The following COX7B variants were observed in gnomAD, a reference collection of about 807,000 sequenced individuals.
COX7B encodes cytochrome c oxidase subunit 7B, mitochondrial.
Under a neutral mutation model 7.9 loss-of-function variants are expected in COX7B, and 2 were observed. That is an observed-to-expected ratio of 0.25 (90% CI 0.10 to 0.79). COX7B has a LOEUF of 0.79. Ranked by LOEUF, COX7B falls within the 30% of genes least tolerant of loss-of-function variation. The pLI, the probability that COX7B is intolerant of heterozygous loss-of-function variation, is 0.69. For missense variants in COX7B, 54 were observed against 62.7 expected, an observed-to-expected ratio of 0.86 and a Z score of 0.47; for synonymous variants, 19 against 21.1, an observed-to-expected ratio of 0.90 and a Z score of 0.27.
rs1207093814 is a variant in COX7B at position 77,906,106 on chromosome X, A to C, written c.*845A>C. The C allele has an allele frequency of 8.9e-6, 1 of 112,327 alleles. No individual in the cohort carries two copies. The highest frequency in any genetic ancestry group is 3.2e-5 in the African/African-American group (1 of 30,932). The allele number at this position is 112,327 out of a possible 1,213,427, so 9.3% of individuals were successfully genotyped here. A position where few individuals can be genotyped will look rare whatever the true frequency, so the allele number is the denominator to read the frequency against. On this transcript the variant is annotated 3_prime_UTR_variant, in exon 3 of 3. Transcript: ENST00000650309. Reference sequence around the variant, plus strand: ...AGCCCTTAAATGGCTTTTATGAGGTAATGTGAAAGGAAAATTTGCCTTTGA... The same window carrying C: ...AGCCCTTAAATGGCTTTTATGAGGTCATGTGAAAGGAAAATTTGCCTTTGA...
chrX:77,901,357 T>C (rs2077119439), intron 1 of COX7B, among the ~76,000 whole-genome samples: 1 of 108,270 alleles, frequency 9.2e-6, no homozygotes, highest in Admixed American at 1.0e-4. Context: ...GTGATTCTCC[T>C]GCCTCAGGCT....
intron 1 of COX7B, chrX:77,901,811 A>G (rs1430922328): frequency 9.0e-6 from 1 of 111,343 alleles, no homozygotes; most frequent in Non-Finnish European, 1.9e-5. Flanking sequence ...TGCATCCTCT[A>G]ACTCCTGGAC....
intron 2 of COX7B, among the ~76,000 whole-genome samples, chrX:77,903,919 T>G (rs782688029): frequency 1.2e-4 from 13 of 109,196 alleles, no homozygotes; most frequent in Middle Eastern, 4.7e-3. Context: ...GTGTTTTTTT[T>G]TTTTGTTTTG....
chrX:77,905,481 GTTTTTTT>G lies in COX7B; in HGVS notation c.*241_*247del, dbSNP rs34296412. On this transcript the variant is annotated 3_prime_UTR_variant, in exon 3 of 3. Coordinates refer to ENST00000650309, the MANE Select transcript of COX7B (RefSeq NM_001866.3). ...AAATGCTGTGCAGCTTCTTAAATAG[GTTTTTTT>G]TTTTTTTTTTTTTTTTTTTTGGGAC... The G allele has an allele frequency of 2.5e-4, 17 of 67,781 alleles. No homozygotes were observed. The highest frequency in any genetic ancestry group is 7.5e-4 in the South Asian group (2 of 2,683). The allele number at this position is 67,781 out of a possible 1,213,427, so 5.6% of individuals were successfully genotyped here.
chrX:77,902,900 A>C (rs2077124418), intron 2 of COX7B, 133 bp downstream of exon 2: 2 of 586,525 alleles, frequency 3.4e-6, no homozygotes, highest in African/African-American at 4.5e-5. Flanking sequence ...CTAATTACCC[A>C]CACAGTGCAG....
intron 1 of COX7B, chrX:77,901,654 T>C (rs1317660843): frequency 8.9e-6 from 1 of 111,813 alleles, no homozygotes; most frequent in Admixed American, 9.6e-5. Flanking sequence ...TTTATCTACA[T>C]GTGTAATCCT....
Position 77,905,453 on chromosome X carries a change from G to T in COX7B, c.*192G>T. ...CTTTAGCCTTTATGTTAATATTAAA[G>T]TCAAATGCTGTGCAGCTTCTTAAAT... On this transcript the variant is annotated 3_prime_UTR_variant, in exon 3 of 3. Coordinates refer to ENST00000650309, the MANE Select transcript of COX7B (RefSeq NM_001866.3). 1 of 181,379 alleles carries T rather than the reference G, an allele frequency of 5.5e-6. No homozygotes were observed. The highest frequency in any genetic ancestry group is 1.0e-5 in the Non-Finnish European group (1 of 98,220). The allele number at this position is 181,379 out of a possible 1,213,427, so 14.9% of individuals were successfully genotyped here.
chrX:77,902,431 G>A (rs1234644516), intron 1 of COX7B, among the ~76,000 whole-genome samples: 4 of 112,255 alleles, frequency 3.6e-5, no homozygotes, highest in African/African-American at 1.3e-4. Context: ...GTTTTATCAT[G>A]TATTTGTCCA....
rs2077135431 is a variant in COX7B at position 77,906,492 on chromosome X, C to G, written c.*1231C>G. 8.9e-6 allele frequency: 1 copy of G among 112,029 alleles called. No homozygotes were observed. The highest frequency in any genetic ancestry group is 3.2e-5 in the African/African-American group (1 of 30,827). The allele number at this position is 112,029 out of a possible 1,213,427, so 9.2% of individuals were successfully genotyped here. ...TAAAGAAAATCTTGTCAAATGCAGT[C>G]TGTTCCTAGTTATCTACTATCAGTC... On this transcript the variant is annotated 3_prime_UTR_variant, in exon 3 of 3. Transcript: ENST00000650309.
chrX:77,902,994 C>T, intron 2 of COX7B: 1 of 284,826 alleles, frequency 3.5e-6, no homozygotes, highest in Non-Finnish European at 6.1e-6. Flanking sequence ...CAAGGCAGCC[C>T]TTTCCATCTT....
intron 1 of COX7B, chrX:77,901,614 C>G (rs2149033394): frequency 8.9e-6 from 1 of 111,871 alleles, no homozygotes; most frequent in African/African-American, 3.2e-5. Flanking sequence ...AAGTCCTTAG[C>G]TAATTCTGCT....
At chrX:77,903,912 T>G (rs922876230) in intron 2 of COX7B, among the ~76,000 whole-genome samples, 24 of 100,598 alleles carry the variant, frequency 2.4e-4, no homozygotes, top group African/African-American at 5.8e-4. Flanking sequence ...GAAGTCTGTG[T>G]TTTTTTTTTT....
At chrX:77,904,603 C>T (rs1478809610) in intron 2 of COX7B, among the ~76,000 whole-genome samples, 1 of 105,526 alleles carries the variant, frequency 9.5e-6, no homozygotes, top group Non-Finnish European at 1.9e-5. Context: ...GAGATCGTGC[C>T]ACTGTACTCT....
intron 2 of COX7B, among the ~76,000 whole-genome samples, chrX:77,904,604 A>G (rs946083771): frequency 6.0e-4 from 65 of 108,136 alleles, no homozygotes; most frequent in African/African-American, 2.1e-3. Context: ...AGATCGTGCC[A>G]CTGTACTCTA....
rs954107716 is a variant in COX7B at position 77,902,883 on chromosome X, G to A, written c.165+116G>A. ...CTAGTTAGGAGGGACTTGAGAGATT[G>A]TGTAATCTAATTACCCACACAGTGC... On this transcript the variant is annotated intron_variant, in intron 2 of 2. Coordinates refer to ENST00000650309, the MANE Select transcript of COX7B (RefSeq NM_001866.3). The A allele has an allele frequency of 7.1e-6, 5 of 706,848 alleles. No individual in the cohort carries two copies. The African/African-American group carries it at 8.6e-5, about 12-fold the overall frequency. The allele number at this position is 706,848 out of a possible 1,213,427, so 58.3% of individuals were successfully genotyped here.
rs186917553 is a variant in COX7B, at chrX:77,903,087, G to A, written c.165+320G>A. ...GTCCCCCAGGCTGGAGTGCAGTGGTGCGATCTTGGCTCACTGCAACCTCTG... is the reference window on the plus strand; with the variant it reads ...GTCCCCCAGGCTGGAGTGCAGTGGTACGATCTTGGCTCACTGCAACCTCTG... On this transcript the variant is annotated intron_variant, in intron 2 of 2. Coordinates refer to ENST00000650309, the MANE Select transcript of COX7B (RefSeq NM_001866.3). The A allele has an allele frequency of 2.2e-4, 28 of 129,567 alleles. No homozygotes were observed. In the East Asian group the frequency reaches 5.4e-3, roughly 25 times the overall value. 10.7% of individuals were successfully genotyped at this position (129,567 alleles called of 1,213,427 possible).
chrX:77,902,862 T>A, intron 2 of COX7B, 95 bp downstream of exon 2: 1 of 871,316 alleles, frequency 1.1e-6, no homozygotes, highest in Non-Finnish European at 1.6e-6. Flanking sequence ...ACATATCTAG[T>A]TAGGAGGGAC....
At chrX:77,903,474 G>A (rs2077126679) in intron 2 of COX7B, among the ~76,000 whole-genome samples, 1 of 110,628 alleles carries the variant, frequency 9.0e-6, no homozygotes, top group South Asian at 3.8e-4. Context: ...GATTACAGGT[G>A]TGAGCCACTG....
In COX7B at chrX:77,905,435, CTTT is replaced by C; in HGVS notation, c.*175_*177del. 1 of 313,632 alleles carries C rather than the reference CTTT, an allele frequency of 3.2e-6. No individual in the cohort carries two copies. The highest frequency in any genetic ancestry group is 5.6e-5 in the Admixed American group (1 of 17,943). 25.8% of individuals were successfully genotyped at this position (313,632 alleles called of 1,213,427 possible). ...TGAAACTAAGCTTGATCACTTTAGC[CTTT>C]ATGTTAATATTAAAGTCAAATGCTG... is the stretch of plus-strand genomic sequence containing the variant. On this transcript the variant is annotated 3_prime_UTR_variant, in exon 3 of 3. Coordinates refer to ENST00000650309, the MANE Select transcript of COX7B (RefSeq NM_001866.3).
Sources: allele counts gnomAD v4.1 joint callset (sites outside exome capture counted in the v4.1 genomes callset), GRCh38; gene constraint gnomAD v4.1.1; transcripts MANE v1.5; gene names NCBI Gene and HGNC (gene_info 2026-07-23, HGNC 2026-07-21).